The following GRAMD1A variants were observed in gnomAD, a reference collection of about 807,000 sequenced individuals.
GRAMD1A encodes GRAM domain containing 1A.
In GRAMD1A, 50 loss-of-function variants were observed where a neutral mutation model predicts 92.0. That is an observed-to-expected ratio of 0.54 (90% CI 0.43 to 0.69). The LOEUF is 0.69. Among genes scored for constraint, GRAMD1A ranks in the 30% least tolerant of loss-of-function variants. GRAMD1A has a pLI of 0.00. For synonymous variants in GRAMD1A, 405 were observed against 403.6 expected (o/e 1.00, Z -0.04); for missense variants, 819 against 978.9 (o/e 0.84, Z 2.18).
At chr19:35,008,806 ACT>A (rs1491230750) in intron 1 of GRAMD1A, among the ~76,000 whole-genome samples, 2 of 152,136 alleles carry the variant, frequency 1.3e-5, no homozygotes, top group African/African-American at 2.4e-5. Context: ...ACAGAGCAAG[ACT>A]CTGTCACAAA....
In GRAMD1A at chr19:35,014,273, A is replaced by G; in HGVS notation, c.955A>G (p.Ser319Gly). ...QTVTPVAEPP[S>G]TEPTQPDGPT... ...AGTGACCCCGGTGGCTGAACCCCCG[A>G]GCACAGAGCCCACCCAGCCTGACGG... Residue 319 changes from serine (S) to glycine (G), a missense_variant, in exon 10 of 20, where the codon AGC (serine) becomes GGC (glycine). Transcript: ENST00000317991. 6.2e-7 allele frequency: 1 copy of G among 1,614,094 alleles called. No individual in the cohort carries two copies. Among genetic ancestry groups the G allele is most frequent in the African/African-American group, 1.3e-5 (1 of 75,040 alleles).
At chr19:35,023,096 A>G in intron 17 of GRAMD1A, 140 bp from the exon 18 acceptor site, 1 of 805,258 alleles carries the variant, frequency 1.2e-6, no homozygotes, top group Non-Finnish European at 2.2e-6. Flanking sequence ...GTGCAACCCT[A>G]GGCATGTCTC....
At position 35,019,264 on chromosome 19, in the gene GRAMD1A, C is replaced by G. The variant is rs768825500; in HGVS notation, c.1287C>G (p.Ile429Met). ...QRRVLTYTIP[I>M]SNPLGPKSAS... ...GGGTGCTGACGTACACCATCCCCAT[C>G]AGCAACCCACTGGGCCCCAAGAGCG... Residue 429 changes from isoleucine (I) to methionine (M), a missense_variant, in exon 12 of 20, where the codon ATC (isoleucine) becomes ATG (methionine). Coordinates refer to ENST00000317991, the MANE Select transcript of GRAMD1A (RefSeq NM_020895.5). The G allele has an allele frequency of 1.2e-6, 2 of 1,613,650 alleles. No homozygotes were observed. The highest frequency in any genetic ancestry group is 1.7e-5 in the Admixed American group (1 of 60,016).
intron 1 of GRAMD1A, among the ~76,000 whole-genome samples, chr19:35,007,986 C>T (rs35879596): frequency 0.27 from 40,578 of 152,072 alleles, 5,893 homozygotes; most frequent in Middle Eastern, 0.43. Context: ...AGTGGAAAGT[C>T]GCTGTTCAAT....
At chr19:35,002,901 C>T (rs943545888) in intron 1 of GRAMD1A, 3 of 152,372 alleles carry the variant, frequency 2.0e-5, no homozygotes, top group Non-Finnish European at 2.9e-5. Context: ...GAGACTTCCT[C>T]GTGGCTATGT....
At chr19:35,018,190 G>GT (rs1440265858) in intron 11 of GRAMD1A, among the ~76,000 whole-genome samples, 2 of 152,096 alleles carry the variant, frequency 1.3e-5, no homozygotes, top group Admixed American at 1.3e-4. Flanking sequence ...GTTTCACCGT[G>GT]TTGGCCAGGC....
At position 35,021,818 on chromosome 19, in the gene GRAMD1A, GCA is replaced by G. The variant is rs1356866909; in HGVS notation, c.1709_1710del (p.His570ProfsTer4). On this transcript the variant is annotated frameshift_variant, in exon 15 of 20. Coordinates refer to ENST00000317991, the MANE Select transcript of GRAMD1A (RefSeq NM_020895.5). LOFTEE classifies it high-confidence loss of function. The surrounding 1 kb of genome is among the most constrained non-coding windows in gnomAD (Gnocchi z 5.3). ...GGCGGGCTCACGGGGACGGGCCCCAGCACCCAGATCCTGACCCCTGTGCCCGG... is the reference window on the plus strand; with the variant it reads ...GGCGGGCTCACGGGGACGGGCCCCAGCCCAGATCCTGACCCCTGTGCCCGG... ...SWRAHGDGPQ[H>X]PDPDPCARAG... The G allele has an allele frequency of 2.5e-5, 41 of 1,608,372 alleles. No individual in the cohort carries two copies. The highest frequency in any genetic ancestry group is 3.5e-5 in the Non-Finnish European group (41 of 1,177,412).
upstream of GRAMD1A, chr19:35,000,024 T>C (rs530985277): frequency 8.5e-4 from 836 of 983,952 alleles, 2 homozygotes; most frequent in Non-Finnish European, 9.7e-4. The surrounding 1 kb of genome is among the most constrained non-coding windows in gnomAD (Gnocchi z 4.9). Flanking sequence ...GCCAGGGGCA[T>C]AGTAGTTGCT....
chr19:35,017,352 A>G (rs1404011547), intron 11 of GRAMD1A, among the ~76,000 whole-genome samples: 1 of 152,166 alleles, frequency 6.6e-6, no homozygotes, highest in Non-Finnish European at 1.5e-5. Context: ...CTGACACGCC[A>G]GCCCTTTTAG....
chr19:35,019,434 A>T lies in GRAMD1A; in HGVS notation c.1376A>T (p.Asp459Val). The T allele has an allele frequency of 6.2e-7, 1 of 1,613,642 alleles. No individual in the cohort carries two copies. The highest frequency in any genetic ancestry group is 8.5e-7 in the Non-Finnish European group (1 of 1,179,906). The change falls in exon 13 of 20, where the codon GAC becomes GTC. Residue 459 changes from aspartate (D) to valine (V), a missense_variant. By Grantham distance (152) the Asp-to-Val change is radical. Coordinates refer to ENST00000317991, the MANE Select transcript of GRAMD1A (RefSeq NM_020895.5). Reference sequence around the variant, plus strand: ...CCCCAGGCCGGCGGGTGTGTGGTGGACTCCGAGGTGCTGACGCAGGGCATC... The same window carrying T: ...CCCCAGGCCGGCGGGTGTGTGGTGGTCTCCGAGGTGCTGACGCAGGGCATC... Reference protein sequence around the residue: ...RGPQAGGCVVDSEVLTQGIPY... With the variant: ...RGPQAGGCVVVSEVLTQGIPY...
At chr19:35,000,290 G>T, upstream of GRAMD1A, 2 of 1,034,202 alleles carry the variant, frequency 1.9e-6, no homozygotes, top group Non-Finnish European at 2.3e-6. This position sits in a 1 kb window ranked among gnomAD's most constrained non-coding sequence, Gnocchi z 4.9. Context: ...AGGGGGTGTC[G>T]CTGACGCCGC....
chr19:35,013,187 TG>T lies in GRAMD1A; in HGVS notation c.607-65del. The stretch of plus-strand genomic sequence containing the variant: ...GGGAACTGCGGAGGCCGAGGGCTGG[TG>T]GGGAATCTGGCGGGCCGGGCTCTGG... On this transcript the variant is annotated intron_variant, in intron 7 of 19. Coordinates refer to ENST00000317991, the MANE Select transcript of GRAMD1A (RefSeq NM_020895.5). This position sits in a 1 kb window ranked among gnomAD's most constrained non-coding sequence, Gnocchi z 4.9. 1 of 792,094 alleles carries T rather than the reference TG, an allele frequency of 1.3e-6. No homozygotes were observed. The highest frequency in any genetic ancestry group is 2.1e-6 in the Non-Finnish European group (1 of 480,764). The allele number at this position is 792,094 out of a possible 1,614,324, so 49.1% of individuals were successfully genotyped here.
intron 10 of GRAMD1A, 152 bp from the exon 11 acceptor site, chr19:35,015,664 ATCCCTGAG>A (rs1483209730): frequency 2.8e-5 from 18 of 638,738 alleles, no homozygotes; most frequent in Non-Finnish European, 4.1e-5. Context: ...CCCTCAACCC[ATCCCTGAG>A]TCACAGGAGG....
At chr19:35,016,151 T>C (rs1341986932) in intron 11 of GRAMD1A, among the ~76,000 whole-genome samples, 184 bp downstream of exon 11, 1 of 152,238 alleles carries the variant, frequency 6.6e-6, no homozygotes, top group Non-Finnish European at 1.5e-5. Flanking sequence ...GGCAGAGTTC[T>C]GAGATGCTCT....
intron 1 of GRAMD1A, among the ~76,000 whole-genome samples, chr19:35,003,930 G>C (rs8103441): frequency 0.36 from 54,102 of 152,100 alleles, 10,056 homozygotes; most frequent in Middle Eastern, 0.45. Context: ...TTTGCTGACT[G>C]TTACTAAAGA....
chr19:35,024,170 G>C (rs889704045), intron 19 of GRAMD1A, among the ~76,000 whole-genome samples: 5 of 152,220 alleles, frequency 3.3e-5, no homozygotes, highest in African/African-American at 7.2e-5. Flanking sequence ...TCGTGCAAGT[G>C]ATTTTGCCAT....
chr19:35,019,725 C>CAGAG (rs2015911307), intron 13 of GRAMD1A, among the ~76,000 whole-genome samples, 192 bp downstream of exon 13: 1 of 152,140 alleles, frequency 6.6e-6, no homozygotes, highest in African/African-American at 2.4e-5. Context: ...CTCCCATCTA[C>CAGAG]AGAGGGTGTT....
upstream of GRAMD1A, among the ~76,000 whole-genome samples, chr19:34,997,980 A>G (rs569881168): frequency 1.3e-5 from 2 of 151,504 alleles, no homozygotes; most frequent in South Asian, 4.2e-4. Context: ...GGGCAAGAGA[A>G]TCGCTTGAAC....
intron 3 of GRAMD1A, 184 bp downstream of exon 3, chr19:35,009,627 T>C: frequency 1.5e-6 from 1 of 688,190 alleles, no homozygotes; most frequent in South Asian, 1.7e-5. Flanking sequence ...TCTCTGGGCC[T>C]CTCTCTGTCC....
Sources: allele counts gnomAD v4.1 joint callset (sites outside exome capture counted in the v4.1 genomes callset), GRCh38; gene constraint gnomAD v4.1.1; non-coding constraint Gnocchi (gnomAD v3.1); transcripts MANE v1.5; gene names NCBI Gene and HGNC (gene_info 2026-07-23, HGNC 2026-07-21).